Variants in SPIRE1 observed in about 807,000 individuals in gnomAD.
The protein encoded by SPIRE1 is protein spire homolog 1.
In SPIRE1, 40 loss-of-function variants were observed where a neutral mutation model predicts 94.1. That is an observed-to-expected ratio of 0.43 (90% CI 0.33 to 0.55). SPIRE1 has a LOEUF of 0.55. SPIRE1 is among the 20% of genes least tolerant of loss of function. The pLI is 0.06. For missense variants in SPIRE1, 838 were observed against 975.2 expected (o/e 0.86, Z 1.87); for synonymous variants, 376 against 371.7 (o/e 1.01, Z -0.13).
At chr18:12,593,817 T>C (rs1263923050) in intron 2 of SPIRE1, among the ~76,000 whole-genome samples, 1 of 152,160 alleles carries the variant, frequency 6.6e-6, no homozygotes, top group African/African-American at 2.4e-5. Context: ...CCGGGTGTGG[T>C]GGCACATGCC....
intron 2 of SPIRE1, among the ~76,000 whole-genome samples, chr18:12,616,247 T>A (rs537743839): frequency 1.3e-5 from 2 of 152,112 alleles, no homozygotes; most frequent in African/African-American, 4.8e-5. Context: ...GTTTGTGGTG[T>A]AGAATGGAGA....
intron 1 of SPIRE1, among the ~76,000 whole-genome samples, chr18:12,642,363 T>TA (rs2038110133): frequency 6.6e-6 from 1 of 152,152 alleles, no homozygotes; most frequent in South Asian, 2.1e-4. Context: ...ATTTTTGACA[T>TA]AGACTACACT....
intron 2 of SPIRE1, among the ~76,000 whole-genome samples, chr18:12,572,645 A>G (rs2035985877): frequency 6.6e-6 from 1 of 152,248 alleles, no homozygotes; most frequent in African/African-American, 2.4e-5. Flanking sequence ...AAAAATTTTT[A>G]AATAGAAGAT....
At chr18:12,587,892 C>CA (rs1372990954) in intron 2 of SPIRE1, among the ~76,000 whole-genome samples, 1 of 152,172 alleles carries the variant, frequency 6.6e-6, no homozygotes, top group Non-Finnish European at 1.5e-5. Flanking sequence ...TTAATATACT[C>CA]AGAGTTGTAC....
intron 2 of SPIRE1, among the ~76,000 whole-genome samples, chr18:12,588,100 T>C (rs1002393047): frequency 2.6e-5 from 4 of 152,212 alleles, no homozygotes; most frequent in Non-Finnish European, 5.9e-5. Context: ...ATGTGGTCTT[T>C]TGTGAATGGC....
At chr18:12,658,144 CAGCGCCGCCCAGCGCCCGCCCCTTAG>C, upstream of SPIRE1, 6 of 851,196 alleles carry the variant, frequency 7.0e-6, no homozygotes, top group Non-Finnish European at 8.7e-6. Flanking sequence ...TCGCGCCGTC[CAGCGCCGCCCAGCGCCCGCCCCTTAG>C]GGGGCCGCAC....
chr18:12,661,198 C>T (rs1482128293), upstream of SPIRE1: 2 of 162,722 alleles, frequency 1.2e-5, no homozygotes, highest in Non-Finnish European at 2.6e-5. Context: ...ATCCCAGCTA[C>T]TCGGGAGGCT....
chr18:12,490,431 C>G (rs543380622), intron 8 of SPIRE1, among the ~76,000 whole-genome samples: 1 of 152,280 alleles, frequency 6.6e-6, no homozygotes, highest in South Asian at 2.1e-4. Context: ...CTCTCAAGCT[C>G]TTTCAAAACA....
intron 3 of SPIRE1, 58 bp from the exon 4 acceptor site, chr18:12,535,659 C>T: frequency 6.5e-7 from 1 of 1,535,858 alleles, no homozygotes; most frequent in Non-Finnish European, 8.9e-7. Context: ...TTTTTTTGTA[C>T]TTAAAAACAG....
intron 8 of SPIRE1, among the ~76,000 whole-genome samples, chr18:12,488,000 C>T (rs531757060): frequency 6.6e-6 from 1 of 152,154 alleles, no homozygotes; most frequent in Non-Finnish European, 1.5e-5. Context: ...CAGAAACCAG[C>T]ACATCAGACA....
intron 2 of SPIRE1, among the ~76,000 whole-genome samples, chr18:12,553,085 C>T (rs776018228): frequency 4.6e-5 from 7 of 151,908 alleles, no homozygotes; most frequent in African/African-American, 9.7e-5. Context: ...CCAGGTAGTA[C>T]GCCATGGACC....
At chr18:12,492,789 A>C (rs1045779495) in intron 8 of SPIRE1, among the ~76,000 whole-genome samples, 2 of 152,186 alleles carry the variant, frequency 1.3e-5, no homozygotes, top group Non-Finnish European at 2.9e-5. Flanking sequence ...CAGCCTAGAG[A>C]CTGGCAGAGC....
chr18:12,491,139 T>C (rs910562841), intron 8 of SPIRE1, among the ~76,000 whole-genome samples: 1 of 151,694 alleles, frequency 6.6e-6, no homozygotes, highest in Middle Eastern at 3.2e-3. Context: ...AAAAGACTTA[T>C]ATACAAAAAC....
At chr18:12,461,445 T>C (rs1394375355) in intron 12 of SPIRE1, among the ~76,000 whole-genome samples, 1 of 137,900 alleles carries the variant, frequency 7.3e-6, no homozygotes. Flanking sequence ...TGTATATACA[T>C]ACATGTGTGT....
At chr18:12,481,950 G>A (rs1398005582) in intron 9 of SPIRE1, among the ~76,000 whole-genome samples, 1 of 151,700 alleles carries the variant, frequency 6.6e-6, no homozygotes, top group African/African-American at 2.4e-5. Context: ...TCCTAACCAC[G>A]TTCTCACAGA....
chr18:12,477,777 C>A (rs2032662000), intron 10 of SPIRE1, among the ~76,000 whole-genome samples: 1 of 152,136 alleles, frequency 6.6e-6, no homozygotes, highest in African/African-American at 2.4e-5. Context: ...GCAGACACAG[C>A]TAAGCACCAA....
intron 9 of SPIRE1, among the ~76,000 whole-genome samples, chr18:12,483,043 C>T (rs1442764350): frequency 1.3e-5 from 2 of 150,670 alleles, no homozygotes; most frequent in Non-Finnish European, 2.9e-5. Flanking sequence ...CGGGCTCAGG[C>T]GATCCTCCCA....
chr18:12,534,662 T>G (rs1180333526), intron 4 of SPIRE1, among the ~76,000 whole-genome samples: 2 of 152,210 alleles, frequency 1.3e-5, no homozygotes, highest in African/African-American at 2.4e-5. Flanking sequence ...GGACTTGGAC[T>G]GAGCTGTGCT....
upstream of SPIRE1, chr18:12,658,701 ACCC>A: frequency 2.3e-6 from 1 of 430,542 alleles, no homozygotes; most frequent in Admixed American, 2.7e-5. Flanking sequence ...GTTTCCCGTG[ACCC>A]CGCGGCCGCT....
Sources: gnomAD v4.1 joint callset for allele counts (sites outside exome capture counted in the v4.1 genomes callset) on GRCh38, gnomAD v4.1.1 for gene constraint, MANE v1.5 for transcripts, NCBI Gene and HGNC (gene_info 2026-07-23, HGNC 2026-07-21) for gene names.